Variants in SYTL2 observed in about 807,000 individuals in gnomAD.
SYTL2 encodes synaptotagmin-like protein 2.
SYTL2 carries 165 observed loss-of-function variants against 198.7 expected under a neutral mutation model. The observed-to-expected ratio is 0.83, with a 90% CI of 0.73 to 0.94. The LOEUF is 0.94. Among genes scored for constraint, SYTL2 ranks in the 40% least tolerant of loss-of-function variants. The pLI, the probability that SYTL2 is intolerant of heterozygous loss-of-function variation, is 0.00. For synonymous variants in SYTL2, 966 were observed against 917.7 expected (o/e 1.05, Z -0.95); for missense variants, 2,835 against 2,582.8 (o/e 1.10, Z -2.12).
At chr11:85,760,063 T>A (rs953411856) in intron 1 of SYTL2, among the ~76,000 whole-genome samples, 1 of 152,142 alleles carries the variant, frequency 6.6e-6, no homozygotes, top group Non-Finnish European at 1.5e-5. Flanking sequence ...TGTTAGCAAA[T>A]GTGATGCAAG....
chr11:85,800,129 A>G (rs2092863871), intron 1 of SYTL2, among the ~76,000 whole-genome samples: 1 of 152,166 alleles, frequency 6.6e-6, no homozygotes, highest in Admixed American at 6.5e-5. Flanking sequence ...CACACAGTTC[A>G]TCAGTTTTGG....
intron 2 of SYTL2, among the ~76,000 whole-genome samples, chr11:85,754,609 T>C (rs2091749042): frequency 6.6e-6 from 1 of 152,236 alleles, no homozygotes; most frequent in Admixed American, 6.5e-5. Flanking sequence ...TTGTATCCTT[T>C]ATCAAATCTC....
At chr11:85,797,652 GA>G (rs966583362) in intron 1 of SYTL2, among the ~76,000 whole-genome samples, 1 of 150,626 alleles carries the variant, frequency 6.6e-6, no homozygotes, top group African/African-American at 2.4e-5. Flanking sequence ...AAAAGAAAAA[GA>G]AAAAGAAAAC....
chr11:85,800,093 C>T (rs570495767), intron 1 of SYTL2, among the ~76,000 whole-genome samples: 10 of 152,286 alleles, frequency 6.6e-5, no homozygotes, highest in Non-Finnish European at 1.5e-4. Context: ...CACACAAACA[C>T]ACCCTCAAGG....
intron 1 of SYTL2, among the ~76,000 whole-genome samples, chr11:85,760,265 T>A (rs1318348010): frequency 6.6e-6 from 1 of 152,146 alleles, no homozygotes; most frequent in Non-Finnish European, 1.5e-5. Flanking sequence ...AAGAAAAAAC[T>A]AAGTATTTGT....
the SYTL2 span, chr11:85,854,740 C>G: frequency 1.2e-4 from 19 of 152,312 alleles, no homozygotes; most frequent in African/African-American, 3.9e-4. Context: ...GTGCGGAAAG[C>G]GCCACCGAGT....
the SYTL2 span, chr11:85,853,242 T>G: frequency 2.3e-6 from 1 of 428,082 alleles, no homozygotes; most frequent in Non-Finnish European, 4.6e-6. Flanking sequence ...GGGGAAAAGA[T>G]AGAGAAATCA....
chr11:85,697,850 C>T, intron 18 of SYTL2, 129 bp downstream of exon 18: 2 of 602,342 alleles, frequency 3.3e-6, no homozygotes, highest in South Asian at 4.5e-5. Context: ...CAATTCATGT[C>T]TCCATTATCC....
chr11:85,729,503 C>T (rs939596137), intron 7 of SYTL2, among the ~76,000 whole-genome samples: 13 of 152,020 alleles, frequency 8.6e-5, no homozygotes, highest in Admixed American at 2.6e-4. Context: ...GGGTAAATAA[C>T]GAAATAAAGG....
At chr11:85,833,642 T>C in the SYTL2 span, among the ~76,000 whole-genome samples, 2 of 151,214 alleles carry the variant, frequency 1.3e-5, no homozygotes, top group African/African-American at 4.9e-5. Flanking sequence ...TAAATATCCT[T>C]CAAAGTGGTT....
At chr11:85,844,029 G>C in the SYTL2 span, among the ~76,000 whole-genome samples, 1 of 152,160 alleles carries the variant, frequency 6.6e-6, no homozygotes, top group Non-Finnish European at 1.5e-5. Context: ...AGGGGCATTC[G>C]ATAGAAGAAG....
intron 1 of SYTL2, among the ~76,000 whole-genome samples, chr11:85,766,227 C>T (rs1483621064): frequency 6.6e-6 from 1 of 152,154 alleles, no homozygotes; most frequent in Non-Finnish European, 1.5e-5. Flanking sequence ...GAGTTTGAAC[C>T]TGAATTTTTC....
intron 1 of SYTL2, among the ~76,000 whole-genome samples, chr11:85,776,667 G>T (rs1220036832): frequency 6.6e-6 from 1 of 152,150 alleles, no homozygotes; most frequent in African/African-American, 2.4e-5. Flanking sequence ...CATTTGGGCT[G>T]GTTCCAAGTC....
chr11:85,737,512 C>T, intron 5 of SYTL2, 63 bp downstream of exon 5: 1 of 1,308,164 alleles, frequency 7.6e-7, no homozygotes, highest in Non-Finnish European at 1.1e-6. Flanking sequence ...GGTGCTTTGA[C>T]ACAATGAGGA....
chr11:85,850,906 C>G, the SYTL2 span, among the ~76,000 whole-genome samples: 1 of 149,648 alleles, frequency 6.7e-6, no homozygotes, highest in Non-Finnish European at 1.5e-5. Flanking sequence ...AATCATCATT[C>G]TCAGTAAACT....
At chr11:85,807,022 T>C (rs970412107) in intron 1 of SYTL2, among the ~76,000 whole-genome samples, 5 of 152,258 alleles carry the variant, frequency 3.3e-5, no homozygotes, top group Non-Finnish European at 7.3e-5. Context: ...CAATGGCTAC[T>C]GGCACTCACA....
At chr11:85,813,132 G>A (rs189478362), upstream of SYTL2, among the ~76,000 whole-genome samples, 1 of 152,242 alleles carries the variant, frequency 6.6e-6, no homozygotes, top group East Asian at 1.9e-4. Flanking sequence ...TTGTGGGGCA[G>A]GCAAGTGGGG....
At chr11:85,795,017 C>T (rs1420386441) in intron 1 of SYTL2, among the ~76,000 whole-genome samples, 1 of 151,892 alleles carries the variant, frequency 6.6e-6, no homozygotes. Context: ...AGAAGTATTG[C>T]CCACTGTGTG....
At chr11:85,722,271 G>A (rs1206923914) in intron 8 of SYTL2, among the ~76,000 whole-genome samples, 6 of 148,286 alleles carry the variant, frequency 4.0e-5, no homozygotes, top group African/African-American at 1.2e-4. Context: ...CTCCGCCTCA[G>A]GGTTCACACC....
Sources: allele counts gnomAD v4.1 joint callset (sites outside exome capture counted in the v4.1 genomes callset), GRCh38; gene constraint gnomAD v4.1.1; transcripts MANE v1.5; gene names NCBI Gene and HGNC (gene_info 2026-07-23, HGNC 2026-07-21).